Variants in SHANK2 observed in about 807,000 individuals in gnomAD.
SHANK2 encodes the protein SH3 and multiple ankyrin repeat domains protein 2.
In SHANK2, 43 loss-of-function variants were observed where a neutral mutation model predicts 133.7. The ratio of observed to expected loss-of-function variants is 0.32; its 90% CI spans 0.25 to 0.41. SHANK2 has a LOEUF of 0.41. SHANK2 is among the 10% of genes least tolerant of loss of function. The probability of loss-of-function intolerance (pLI) is 1.00; values close to 1 mark genes in which losing one functional copy is unlikely to be tolerated. For synonymous variants in SHANK2, 1,017 were observed against 952.8 expected (o/e 1.07, Z -1.24); for missense variants, 1,994 against 2,235.8 (o/e 0.89, Z 2.18).
At chr11:70,786,918 A>G (rs1400737750) in intron 14 of SHANK2, among the ~76,000 whole-genome samples, 1 of 152,020 alleles carries the variant, frequency 6.6e-6, no homozygotes, top group Non-Finnish European at 1.5e-5. Flanking sequence ...ATCACCATCA[A>G]TAGAATCACT....
At chr11:70,663,335 G>T (rs1285553420) in intron 15 of SHANK2, among the ~76,000 whole-genome samples, 3 of 152,140 alleles carry the variant, frequency 2.0e-5, no homozygotes, top group South Asian at 4.1e-4. Flanking sequence ...GGGGGCCCTG[G>T]GGAGGAGGAG....
At chr11:70,798,074 G>A (rs1357819340) in intron 14 of SHANK2, among the ~76,000 whole-genome samples, 1 of 152,160 alleles carries the variant, frequency 6.6e-6, no homozygotes, top group African/African-American at 2.4e-5. Flanking sequence ...CGGCACAGGA[G>A]CATCTCGCCT....
At chr11:71,072,358 G>A (rs1019393109) in intron 9 of SHANK2, among the ~76,000 whole-genome samples, 61 of 152,266 alleles carry the variant, frequency 4.0e-4, no homozygotes, top group Middle Eastern at 3.4e-3. Flanking sequence ...CACACTGGGC[G>A]GGGTGTCACT....
intron 21 of SHANK2, among the ~76,000 whole-genome samples, chr11:70,499,966 G>A (rs1209286594): frequency 1.3e-5 from 2 of 152,264 alleles, no homozygotes; most frequent in South Asian, 2.1e-4. Context: ...AGCAGCAGGC[G>A]AGCAATACCC....
intron 17 of SHANK2, among the ~76,000 whole-genome samples, chr11:70,613,596 C>G (rs555187688): frequency 1.3e-5 from 2 of 151,970 alleles, no homozygotes; most frequent in Non-Finnish European, 2.9e-5. Flanking sequence ...AACTGTGTCC[C>G]CCAAAAAGAG....
chr11:70,863,220 T>C, intron 11 of SHANK2: 1 of 414,408 alleles, frequency 2.4e-6, no homozygotes. Flanking sequence ...CTGGGTTGAG[T>C]GGCCCACTGG....
chr11:71,108,646 C>T (rs895394673), intron 6 of SHANK2, among the ~76,000 whole-genome samples: 4 of 152,224 alleles, frequency 2.6e-5, no homozygotes, highest in Admixed American at 6.5e-5. Context: ...CCCAGGCTTC[C>T]CTGCCTCATG....
chr11:71,097,668 C>T lies in SHANK2; in HGVS notation c.593-2980G>A, dbSNP rs781987202. Reference sequence around the variant, plus strand: ...GGATGTGCTTCGAAAGGGTGAGAAGCGGGGGCTCCCGGAAGCGCAGCAGGA... The same window carrying T: ...GGATGTGCTTCGAAAGGGTGAGAAGTGGGGGCTCCCGGAAGCGCAGCAGGA... On this transcript the variant is annotated intron_variant, in intron 6 of 25. Transcript: ENST00000601538. Among the ~76,000 whole-genome samples the T allele has an allele frequency of 4.9e-4, 74 of 149,590 alleles. 1 individual carries two copies. Among genetic ancestry groups the T allele is most frequent in the Non-Finnish European group, 5.5e-4 (37 of 67,570 alleles).
intron 14 of SHANK2, among the ~76,000 whole-genome samples, chr11:70,775,283 C>G (rs1228228363): frequency 6.6e-6 from 1 of 152,120 alleles, no homozygotes; most frequent in East Asian, 1.9e-4. Flanking sequence ...TGGTGAAACC[C>G]CGTCTCTACT....
intron 11 of SHANK2, among the ~76,000 whole-genome samples, chr11:70,871,370 G>A (rs1223336658): frequency 6.6e-6 from 1 of 152,226 alleles, no homozygotes; most frequent in Non-Finnish European, 1.5e-5. Context: ...CACCATAGGA[G>A]CAGGGCAGGA....
intron 15 of SHANK2, among the ~76,000 whole-genome samples, chr11:70,665,643 T>G (rs1341099985): frequency 6.6e-6 from 1 of 152,214 alleles, no homozygotes; most frequent in Non-Finnish European, 1.5e-5. Context: ...CCATCTCACT[T>G]TCACTGGCAG....
intron 17 of SHANK2, among the ~76,000 whole-genome samples, chr11:70,533,976 C>T (rs1019756575): frequency 6.6e-6 from 1 of 152,350 alleles, no homozygotes; most frequent in East Asian, 1.9e-4. Context: ...TGTTCCACTG[C>T]ATGGGTGCCC....
intron 1 of SHANK2, among the ~76,000 whole-genome samples, chr11:71,234,414 G>A (rs1412900293): frequency 5.7e-5 from 8 of 140,538 alleles, no homozygotes; most frequent in African/African-American, 2.1e-4. Context: ...ACAACAAAAT[G>A]TTAGCCTGCA....
At chr11:70,689,829 A>G (rs573338341) in intron 15 of SHANK2, among the ~76,000 whole-genome samples, 28 of 152,208 alleles carry the variant, frequency 1.8e-4, no homozygotes, top group Middle Eastern at 3.2e-3. Flanking sequence ...GACAAACACA[A>G]TAATATTGGA....
chr11:70,690,813 A>C (rs1945273959), intron 15 of SHANK2, among the ~76,000 whole-genome samples: 1 of 152,038 alleles, frequency 6.6e-6, no homozygotes, highest in African/African-American at 2.4e-5. Flanking sequence ...GCATACTGGC[A>C]AGAACTATTC....
chr11:70,574,149 G>A (rs2060086031), intron 17 of SHANK2, among the ~76,000 whole-genome samples: 1 of 152,246 alleles, frequency 6.6e-6, no homozygotes, highest in Admixed American at 6.5e-5. Context: ...CAGCACTCAT[G>A]GCGGCCCCTG....
At chr11:70,951,118 C>A in intron 10 of SHANK2, 1 of 336,618 alleles carries the variant, frequency 3.0e-6, no homozygotes, top group African/African-American at 2.9e-5. Flanking sequence ...TGCACCATGA[C>A]GTCATAAATT....
Position 70,613,020 on chromosome 11 carries a change from T to C in SHANK2, c.2061+46808A>G, listed in dbSNP as rs185370611. Among the ~76,000 whole-genome samples, 14 of 152,242 alleles carry C rather than the reference T, an allele frequency of 9.2e-5. No individual in the cohort carries two copies. In the East Asian group the frequency reaches 1.2e-3, roughly 13 times the overall value. ...TTGCATCATTTCCAGCGTCTTGCTGTTATGAACAGAGGTGCTTGGAAACTT... is the reference window on the plus strand; with the variant it reads ...TTGCATCATTTCCAGCGTCTTGCTGCTATGAACAGAGGTGCTTGGAAACTT... On this transcript the variant is annotated intron_variant, in intron 17 of 25. Coordinates refer to ENST00000601538, the MANE Select transcript of SHANK2 (RefSeq NM_012309.5).
At chr11:70,874,360 C>A (rs1173419405) in intron 11 of SHANK2, among the ~76,000 whole-genome samples, 4 of 152,072 alleles carry the variant, frequency 2.6e-5, no homozygotes, top group Non-Finnish European at 5.9e-5. Flanking sequence ...TCTAATCTAT[C>A]TATTGAGACA....
Sources: allele counts gnomAD v4.1 joint callset (sites outside exome capture counted in the v4.1 genomes callset), GRCh38; gene constraint gnomAD v4.1.1; transcripts MANE v1.5; gene names NCBI Gene and HGNC (gene_info 2026-07-23, HGNC 2026-07-21).